The following PDLIM5 variants were observed in gnomAD, a reference collection of about 807,000 sequenced individuals.
PDLIM5 encodes the protein PDZ and LIM domain protein 5.
In PDLIM5, 34 loss-of-function variants were observed where a neutral mutation model predicts 64.2. That is an observed-to-expected ratio of 0.53 (90% CI 0.40 to 0.71). The LOEUF (loss-of-function observed/expected upper bound fraction) is 0.71. Among genes scored for constraint, PDLIM5 ranks in the 30% least tolerant of loss-of-function variants. The pLI is 0.00. For missense variants in PDLIM5, 683 were observed against 733.6 expected (o/e 0.93, Z 0.80); for synonymous variants, 253 against 269.1 (o/e 0.94, Z 0.59).
intron 2 of PDLIM5, among the ~76,000 whole-genome samples, chr4:94,505,788 C>G (rs897350518): frequency 2.6e-5 from 4 of 152,192 alleles, no homozygotes; most frequent in African/African-American, 9.7e-5. Context: ...CTTCTATGCC[C>G]TTTCTGGGAG....
At chr4:94,512,266 G>A (rs533977134) in intron 2 of PDLIM5, among the ~76,000 whole-genome samples, 3 of 152,062 alleles carry the variant, frequency 2.0e-5, no homozygotes, top group South Asian at 2.1e-4. Context: ...TGATCCGCCC[G>A]CCTCAGCCTC....
chr4:94,474,725 C>G (rs1316691981), intron 2 of PDLIM5, among the ~76,000 whole-genome samples: 1 of 152,174 alleles, frequency 6.6e-6, no homozygotes, highest in Admixed American at 6.5e-5. Context: ...TCACAGCTCA[C>G]TGTAATCTCC....
At chr4:94,495,509 TG>T (rs1727304080) in intron 2 of PDLIM5, among the ~76,000 whole-genome samples, 2 of 150,900 alleles carry the variant, frequency 1.3e-5, no homozygotes, top group Admixed American at 1.3e-4. Context: ...GGAGCTTAGT[TG>T]AAAAAAAAAA....
chr4:94,542,542 C>G lies in PDLIM5; in HGVS notation c.248+18667C>G, dbSNP rs144764694. The stretch of plus-strand genomic sequence containing the variant: ...TCTAGGTAAGAGGAGGTTTGGATCT[C>G]TTCCTAATCAGTAGATTCTATGGAC... On this transcript the variant is annotated intron_variant, in intron 3 of 12. Coordinates refer to ENST00000317968, the MANE Select transcript of PDLIM5 (RefSeq NM_006457.5). 2.8e-3 allele frequency among the ~76,000 whole-genome samples: 430 copies of G among 152,246 alleles called. 1 individual carries two copies. The highest frequency in any genetic ancestry group is 1.0e-2 in the African/African-American group (415 of 41,554).
intron 11 of PDLIM5, among the ~76,000 whole-genome samples, chr4:94,657,898 G>T (rs1742336935): frequency 1.3e-5 from 2 of 152,060 alleles, no homozygotes; most frequent in Non-Finnish European, 2.9e-5. Context: ...TAGAGACAGG[G>T]TTTCGTCATG....
intron 3 of PDLIM5, among the ~76,000 whole-genome samples, chr4:94,552,645 C>A (rs1251263327): frequency 6.6e-6 from 1 of 151,600 alleles, no homozygotes; most frequent in African/African-American, 2.4e-5. Context: ...AGTCTACTCT[C>A]GGTAAAATTA....
chr4:94,554,932 T>G (rs908266559), intron 3 of PDLIM5, among the ~76,000 whole-genome samples: 1 of 152,196 alleles, frequency 6.6e-6, no homozygotes, highest in Non-Finnish European at 1.5e-5. Flanking sequence ...ACATGAGATA[T>G]TCAATACTTT....
At chr4:94,542,870 T>G (rs1731946722) in intron 3 of PDLIM5, among the ~76,000 whole-genome samples, 2 of 152,178 alleles carry the variant, frequency 1.3e-5, no homozygotes, top group Admixed American at 6.5e-5. Context: ...AAAACAAAGT[T>G]TAATGGTTAT....
intron 2 of PDLIM5, among the ~76,000 whole-genome samples, chr4:94,500,850 C>T (rs1727849335): frequency 6.6e-6 from 1 of 152,046 alleles, no homozygotes; most frequent in African/African-American, 2.4e-5. Flanking sequence ...GTGACGTGAT[C>T]TTGGCTCACT....
At chr4:94,514,133 C>CTTTTTTT (rs34757067) in intron 2 of PDLIM5, among the ~76,000 whole-genome samples, 1 of 115,140 alleles carries the variant, frequency 8.7e-6, no homozygotes, top group African/African-American at 3.8e-5. Context: ...CTAGTATTTT[C>CTTTTTTT]TTTTTTTTTT....
chr4:94,667,243 G>A lies in PDLIM5; in HGVS notation c.*3176G>A, dbSNP rs1021749638. The A allele has an allele frequency of 6.6e-6, 1 of 152,062 alleles. No individual in the cohort carries two copies. The highest frequency in any genetic ancestry group is 1.5e-5 in the Non-Finnish European group (1 of 68,026). The allele number at this position is 152,062 out of a possible 1,614,324, so 9.4% of individuals were successfully genotyped here. A position where few individuals can be genotyped will look rare whatever the true frequency, so the allele number is the denominator to read the frequency against. ...TATAATCTTTCTCTAGACTTCCATG[G>A]TCTGAATGTTGCCTGCTGAAGTAGC... On this transcript the variant is annotated 3_prime_UTR_variant, in exon 13 of 13. Coordinates refer to ENST00000317968, the MANE Select transcript of PDLIM5 (RefSeq NM_006457.5).
At chr4:94,520,683 G>A (rs114041097) in intron 2 of PDLIM5, among the ~76,000 whole-genome samples, 388 of 152,196 alleles carry the variant, frequency 2.5e-3, no homozygotes, top group African/African-American at 8.9e-3. Flanking sequence ...TCTGTGTATT[G>A]GGCATTTCCC....
At chr4:94,648,617 G>A (rs1182010405) in intron 9 of PDLIM5, among the ~76,000 whole-genome samples, 1 of 152,166 alleles carries the variant, frequency 6.6e-6, no homozygotes, top group Non-Finnish European at 1.5e-5. Flanking sequence ...CACAGTTTCT[G>A]TGTCATGAGT....
At chr4:94,457,083 C>T in intron 2 of PDLIM5, 8 of 835,420 alleles carry the variant, frequency 9.6e-6, no homozygotes, top group South Asian at 5.5e-5. Context: ...TATATATACA[C>T]ACACATACTC....
chr4:94,634,821 A>C (rs1740430358), intron 8 of PDLIM5, among the ~76,000 whole-genome samples: 1 of 152,202 alleles, frequency 6.6e-6, no homozygotes, highest in Non-Finnish European at 1.5e-5. Flanking sequence ...AAAAATTCAC[A>C]CGTACTACCG....
rs28638374 is a variant in PDLIM5 at position 94,495,356 on chromosome 4, G to A, written c.97-28368G>A. Among the ~76,000 whole-genome samples, 667 of 152,006 alleles carry A rather than the reference G, an allele frequency of 4.4e-3. 10 individuals are homozygous for A. Among genetic ancestry groups the A allele is most frequent in the African/African-American group, 0.015 (640 of 41,446 alleles). On this transcript the variant is annotated intron_variant, in intron 2 of 12. Transcript: ENST00000317968. ...TCTAATGACACAACTGTGTAAGCATGGTATTTTACTGTTTAAAATTGTAAA... is the reference window on the plus strand; with the variant it reads ...TCTAATGACACAACTGTGTAAGCATAGTATTTTACTGTTTAAAATTGTAAA...
intron 7 of PDLIM5, among the ~76,000 whole-genome samples, chr4:94,608,579 ATTC>A (rs1298163439): frequency 1.1e-4 from 16 of 152,212 alleles, no homozygotes; most frequent in Admixed American, 6.5e-4. Flanking sequence ...ATATAACTAG[ATTC>A]TGCTGATACT....
At chr4:94,613,455 G>A (rs779173363) in intron 7 of PDLIM5, among the ~76,000 whole-genome samples, 1 of 152,118 alleles carries the variant, frequency 6.6e-6, no homozygotes, top group African/African-American at 2.4e-5. Flanking sequence ...GATAAATCAG[G>A]TTGCTGACAC....
At chr4:94,456,845 G>T in intron 2 of PDLIM5, 1 of 1,108,192 alleles carries the variant, frequency 9.0e-7, no homozygotes, top group Non-Finnish European at 1.1e-6. Flanking sequence ...TGCTGTGAAT[G>T]CATCATCTCA....
Sources: allele counts gnomAD v4.1 joint callset (sites outside exome capture counted in the v4.1 genomes callset), GRCh38; gene constraint gnomAD v4.1.1; transcripts MANE v1.5; gene names NCBI Gene and HGNC (gene_info 2026-07-23, HGNC 2026-07-21).